The following NR6A1 variants were observed in gnomAD, a reference collection of about 807,000 sequenced individuals.
NR6A1 encodes nuclear receptor subfamily 6 group A member 1.
Under a neutral mutation model 59.1 loss-of-function variants are expected in NR6A1, and 7 were observed. The ratio of observed to expected loss-of-function variants is 0.12; its 90% confidence interval spans 0.07 to 0.22. The LOEUF (loss-of-function observed/expected upper bound fraction) is 0.22. Among genes scored for constraint, NR6A1 ranks in the 10% least tolerant of loss-of-function variants. NR6A1 has a pLI of 1.00. For synonymous variants in NR6A1, 243 were observed against 236.1 expected (o/e 1.03, Z -0.27); for missense variants, 468 against 611.6 (o/e 0.77, Z 2.48).
intron 2 of NR6A1, among the ~76,000 whole-genome samples, chr9:124,627,877 A>ATTT (rs1836290028): frequency 1.1e-5 from 1 of 87,594 alleles, no homozygotes; most frequent in South Asian, 4.0e-4. Context: ...CTGGTCTGAG[A>ATTT]TTTTCTTTTT....
intron 2 of NR6A1, among the ~76,000 whole-genome samples, chr9:124,599,952 G>A (rs1188834630): frequency 6.6e-6 from 1 of 152,210 alleles, no homozygotes; most frequent in African/African-American, 2.4e-5. Flanking sequence ...GATGACTGCA[G>A]ATTTTGAGGC....
In NR6A1 at chr9:124,668,040, T is replaced by C. The variant is rs543329461; in HGVS notation, c.142+65268A>G. ...AACCTCCCATGCAGTCAAAAATCCATGTATAATTTTTGACTCCCCCAAAAC... is the reference window on the plus strand; with the variant it reads ...AACCTCCCATGCAGTCAAAAATCCACGTATAATTTTTGACTCCCCCAAAAC... On this transcript the variant is annotated intron_variant, in intron 2 of 9. Transcript: ENST00000487099. Among the ~76,000 whole-genome samples the C allele has an allele frequency of 1.2e-3, 178 of 152,298 alleles. 1 individual carries two copies. The highest frequency in any genetic ancestry group is 3.9e-3 in the African/African-American group (162 of 41,560).
At chr9:124,708,890 T>C (rs1001972666) in intron 2 of NR6A1, among the ~76,000 whole-genome samples, 2 of 152,228 alleles carry the variant, frequency 1.3e-5, no homozygotes, top group Admixed American at 6.5e-5. Flanking sequence ...CATGGGTCCC[T>C]TTCCCACTGG....
chr9:124,688,877 TTAGA>T (rs1374360420), intron 2 of NR6A1, among the ~76,000 whole-genome samples: 2 of 152,216 alleles, frequency 1.3e-5, no homozygotes, highest in Non-Finnish European at 2.9e-5. Context: ...TCTAATTTAA[TTAGA>T]TAGGGAGAGT....
At chr9:124,751,934 A>G (rs907989365) in intron 1 of NR6A1, among the ~76,000 whole-genome samples, 1 of 152,228 alleles carries the variant, frequency 6.6e-6, no homozygotes, top group African/African-American at 2.4e-5. Flanking sequence ...GGATTACAAA[A>G]TTCCTCCTTT....
At chr9:124,629,654 G>C (rs947513605) in intron 2 of NR6A1, among the ~76,000 whole-genome samples, 1 of 152,144 alleles carries the variant, frequency 6.6e-6, no homozygotes, top group Admixed American at 6.6e-5. Flanking sequence ...ACTTTCTTGA[G>C]GTGTCCTGAT....
At position 124,642,466 on chromosome 9, in the gene NR6A1, T is replaced by C. The variant is rs538094791; in HGVS notation, c.143-87896A>G. Among the ~76,000 whole-genome samples the C allele has an allele frequency of 5.1e-4, 78 of 152,376 alleles. 1 individual carries two copies. Among genetic ancestry groups the C allele is most frequent in the African/African-American group, 1.8e-3 (74 of 41,594 alleles). On this transcript the variant is annotated intron_variant, in intron 2 of 9. Coordinates refer to ENST00000487099, the MANE Select transcript of NR6A1 (RefSeq NM_033334.4). Reference sequence around the variant, plus strand: ...ACATAATTTCTCAACTTCTACACTATTCACCTTTCAGGTGAAATAATTTTT... The same window carrying C: ...ACATAATTTCTCAACTTCTACACTACTCACCTTTCAGGTGAAATAATTTTT...
chr9:124,624,684 G>T (rs888270716), intron 2 of NR6A1, among the ~76,000 whole-genome samples: 4 of 152,174 alleles, frequency 2.6e-5, no homozygotes, highest in Non-Finnish European at 5.9e-5. Flanking sequence ...ACATGAAACA[G>T]CTCTTTGAGA....
chr9:124,517,702 G>C lies in NR6A1; in HGVS notation c.*5003C>G, dbSNP rs1832717906. On this transcript the variant is annotated 3_prime_UTR_variant, in exon 10 of 10. Transcript: ENST00000487099. ...CCCTGGAGCACAGGAAGGAAATGGAGGCCTCTTCAGGGGGGTGACTAGTCC... is the reference window on the plus strand; with the variant it reads ...CCCTGGAGCACAGGAAGGAAATGGACGCCTCTTCAGGGGGGTGACTAGTCC... 1 of 152,226 alleles carries C rather than the reference G, an allele frequency of 6.6e-6. No individual in the cohort carries two copies. Among genetic ancestry groups the C allele is most frequent in the Non-Finnish European group, 1.5e-5 (1 of 68,106 alleles). The allele number at this position is 152,226 out of a possible 1,614,324, so 9.4% of individuals were successfully genotyped here.
In NR6A1 at chr9:124,518,756, G is replaced by T; in HGVS notation, c.*3949C>A. ...TTTGTTAAATTTTGTTTGTTTTTTG[G>T]GTTTTTTTTTTTTTTACTTTAAAAA... On this transcript the variant is annotated 3_prime_UTR_variant, in exon 10 of 10. Transcript: ENST00000487099. 1 of 150,590 alleles carries T rather than the reference G, an allele frequency of 6.6e-6. No individual in the cohort carries two copies. Among genetic ancestry groups the T allele is most frequent in the African/African-American group, 2.4e-5 (1 of 41,022 alleles). The allele number at this position is 150,590 out of a possible 1,614,324, so 9.3% of individuals were successfully genotyped here.
intron 2 of NR6A1, among the ~76,000 whole-genome samples, chr9:124,559,408 T>C (rs1468760661): frequency 6.6e-6 from 1 of 152,202 alleles, no homozygotes; most frequent in Non-Finnish European, 1.5e-5. Context: ...CTGAATAATG[T>C]GTTCACGGGT....
At chr9:124,612,920 T>C (rs1327763981) in intron 2 of NR6A1, among the ~76,000 whole-genome samples, 1 of 152,218 alleles carries the variant, frequency 6.6e-6, no homozygotes, top group Non-Finnish European at 1.5e-5. Context: ...GCCAAGCCCA[T>C]GCTTTAAAAT....
At chr9:124,627,817 C>T (rs1836286909) in intron 2 of NR6A1, among the ~76,000 whole-genome samples, 1 of 151,734 alleles carries the variant, frequency 6.6e-6, no homozygotes, top group South Asian at 2.1e-4. Flanking sequence ...AAGCCATCTG[C>T]CTGCCTTGGC....
chr9:124,522,858 C>CCACCAGCCCAAGGAGGCTGA, intron 9 of NR6A1, 65 bp from the exon 10 acceptor site: 1 of 1,334,412 alleles, frequency 7.5e-7, no homozygotes, highest in Non-Finnish European at 1.0e-6. Context: ...AAGTCAGCCT[C>CCACCAGCCCAAGGAGGCTGA]CTTGGGCTGG....
chr9:124,704,245 T>C (rs1839053877), intron 2 of NR6A1, among the ~76,000 whole-genome samples: 1 of 152,234 alleles, frequency 6.6e-6, no homozygotes, highest in African/African-American at 2.4e-5. Context: ...TAATTTGTGT[T>C]GTCTTTATTT....
rs148930603 is a variant in NR6A1 at position 124,655,363 on chromosome 9, T to C, written c.142+77945A>G. ...GGCCTTTGACAAGTTCCCTCATCTATTAAATGAAGATAACAATATGTATCT... is the reference window on the plus strand; with the variant it reads ...GGCCTTTGACAAGTTCCCTCATCTACTAAATGAAGATAACAATATGTATCT... On this transcript the variant is annotated intron_variant, in intron 2 of 9. Transcript: ENST00000487099. 5.5e-3 allele frequency among the ~76,000 whole-genome samples: 840 copies of C among 152,290 alleles called. 7 individuals carry two copies. Among genetic ancestry groups the C allele is most frequent in the African/African-American group, 0.019 (798 of 41,562 alleles).
rs117857060 is a variant in NR6A1 at position 124,751,120 on chromosome 9, T to C, written c.101-17771A>G. On this transcript the variant is annotated intron_variant, in intron 1 of 9. Transcript: ENST00000487099. ...TTACTCTCCTTATAAGGTTGCTGCA[T>C]GTAATTATCACACAGTGGGCACACA... 5.6e-3 allele frequency among the ~76,000 whole-genome samples: 855 copies of C among 152,264 alleles called. 3 individuals carry two copies. Among genetic ancestry groups the C allele is most frequent in the Non-Finnish European group, 7.5e-3 (508 of 68,022 alleles).
intron 2 of NR6A1, among the ~76,000 whole-genome samples, chr9:124,612,519 A>G (rs1278295297): frequency 6.6e-6 from 1 of 152,158 alleles, no homozygotes; most frequent in Non-Finnish European, 1.5e-5. Flanking sequence ...CACTGCACCT[A>G]AAGGGAAGAG....
At chr9:124,648,019 G>C (rs534995947) in intron 2 of NR6A1, among the ~76,000 whole-genome samples, 293 of 152,200 alleles carry the variant, frequency 1.9e-3, no homozygotes, top group Non-Finnish European at 3.0e-3. Context: ...CTACAGGCTA[G>C]TATCTCTGAT....
Sources: allele counts gnomAD v4.1 joint callset (sites outside exome capture counted in the v4.1 genomes callset), GRCh38; gene constraint gnomAD v4.1.1; transcripts MANE v1.5; gene names NCBI Gene and HGNC (gene_info 2026-07-23, HGNC 2026-07-21).